The following PPM1F variants were observed in gnomAD, a reference collection of about 807,000 sequenced individuals.
The protein encoded by PPM1F is protein phosphatase, Mg2+/Mn2+ dependent 1F.
PPM1F carries 17 observed loss-of-function variants against 35.5 expected under a neutral mutation model. The ratio of observed to expected loss-of-function variants is 0.48; its 90% confidence interval spans 0.33 to 0.72. PPM1F has a LOEUF of 0.72. Ranked by LOEUF, PPM1F falls within the 30% of genes least tolerant of loss-of-function variation. The pLI, the probability that PPM1F is intolerant of heterozygous loss-of-function variation, is 0.02. For missense variants in PPM1F, 521 were observed against 613.0 expected, an observed-to-expected ratio of 0.85 and a Z score of 1.59; for synonymous variants, 241 against 255.5, an observed-to-expected ratio of 0.94 and a Z score of 0.54.
chr22:21,951,386 G>A (rs1479394825), intron 1 of PPM1F: 1 of 129,370 alleles, frequency 7.7e-6, no homozygotes, highest in Admixed American at 9.3e-5. Flanking sequence ...AGGGAGTTTC[G>A]CTCTTGTTGC....
At chr22:21,923,589 G>T in intron 7 of PPM1F, 118 bp from the exon 8 acceptor site, 1 of 1,153,098 alleles carries the variant, frequency 8.7e-7, no homozygotes, top group Non-Finnish European at 1.2e-6. Flanking sequence ...CTCTCATGGG[G>T]TCTGGGGTCT....
At chr22:21,938,361 T>G in intron 3 of PPM1F, 1 of 1,182,118 alleles carries the variant, frequency 8.5e-7, no homozygotes, top group Non-Finnish European at 1.1e-6. Context: ...AATGGCCGCC[T>G]GTCACTGTGG....
chr22:21,940,596 TG>T (rs2070715184), intron 2 of PPM1F: 1 of 152,254 alleles, frequency 6.6e-6, no homozygotes, highest in Non-Finnish European at 1.5e-5. Flanking sequence ...TGCCAAGGGT[TG>T]CCCACAAACC....
At chr22:21,930,312 T>C (rs1408972388) in intron 6 of PPM1F, among the ~76,000 whole-genome samples, 1 of 152,204 alleles carries the variant, frequency 6.6e-6, no homozygotes, top group African/African-American at 2.4e-5. Context: ...AGACTGTACG[T>C]GCATCAGTTC....
chr22:21,935,650 C>G (rs2070650306), intron 3 of PPM1F: 1 of 152,162 alleles, frequency 6.6e-6, no homozygotes. Context: ...GGGAGGACTG[C>G]TTGAGGTCAG....
intron 3 of PPM1F, chr22:21,938,535 TC>T: frequency 9.4e-7 from 1 of 1,067,160 alleles, no homozygotes; most frequent in Non-Finnish European, 1.1e-6. Flanking sequence ...TTGTTCCTTT[TC>T]CCCGGATGCA....
chr22:21,937,369 T>C (rs1481282706), intron 3 of PPM1F, among the ~76,000 whole-genome samples: 1 of 152,144 alleles, frequency 6.6e-6, no homozygotes, highest in Non-Finnish European at 1.5e-5. Context: ...AGCCAGCTGC[T>C]GCCGCCATGG....
Position 21,934,015 on chromosome 22 carries a change from A to G in PPM1F, c.558+9T>C. On this transcript the variant is annotated intron_variant, in intron 4 of 7. Transcript: ENST00000263212. ...AAGCTGTCCCCAGGGTCTGGACGGG[A>G]GCACTCACAGACAAGCCGAAGAGCT... 1.9e-6 allele frequency: 3 copies of G among 1,545,424 alleles called. No individual in the cohort carries two copies. The highest frequency in any genetic ancestry group is 2.4e-5 in the East Asian group (1 of 41,266).
At chr22:21,933,281 T>C in intron 5 of PPM1F, 110 bp downstream of exon 5, 1 of 1,024,126 alleles carries the variant, frequency 9.8e-7, no homozygotes, top group South Asian at 1.7e-5. Flanking sequence ...CGGCAGTGTT[T>C]AGTGAGGACC....
chr22:21,952,237 C>T (rs1418802432), intron 1 of PPM1F: 2 of 152,310 alleles, frequency 1.3e-5, no homozygotes, highest in African/African-American at 4.8e-5. Context: ...GCTCACAGAC[C>T]TGTGGCTGAA....
At chr22:21,938,587 G>T in intron 3 of PPM1F, 15 of 1,026,732 alleles carry the variant, frequency 1.5e-5, no homozygotes, top group Non-Finnish European at 1.8e-5. Context: ...AACAGGGAAA[G>T]GAAAGGAAAT....
At chr22:21,925,427 G>A (rs1317529219) in intron 7 of PPM1F, 142 bp downstream of exon 7, 5 of 659,082 alleles carry the variant, frequency 7.6e-6, no homozygotes, top group African/African-American at 3.6e-5. Context: ...TTCACACTAC[G>A]AGGGTATCAC....
At chr22:21,925,425 A>G (rs1273970623) in intron 7 of PPM1F, 144 bp downstream of exon 7, 1 of 655,340 alleles carries the variant, frequency 1.5e-6, no homozygotes, top group Admixed American at 2.5e-5. Context: ...CCTTCACACT[A>G]CGAGGGTATC....
rs982843255 is a variant in PPM1F at position 21,919,638 on chromosome 22, G to A, written c.*3454C>T. 5.3e-5 allele frequency: 8 copies of A among 152,246 alleles called. No individual in the cohort carries two copies. The highest frequency in any genetic ancestry group is 1.3e-4 in the Admixed American group (2 of 15,256). The allele number at this position is 152,246 out of a possible 1,614,324, so 9.4% of individuals were successfully genotyped here. On this transcript the variant is annotated 3_prime_UTR_variant, in exon 8 of 8. Transcript: ENST00000263212. ...CGCAAGGCCTGCACTGCACCGGAAT[G>A]GCAGAGCTCCGTGCATTTGGCAAAG...
In PPM1F at chr22:21,921,767, A is replaced by G. The variant is rs533997435; in HGVS notation, c.*1325T>C. On this transcript the variant is annotated 3_prime_UTR_variant, in exon 8 of 8. Coordinates refer to ENST00000263212, the MANE Select transcript of PPM1F (RefSeq NM_014634.4). The stretch of plus-strand genomic sequence containing the variant: ...GCCTCTTAATTAAGAGTCTTTCCCA[A>G]TGAGACCAATTTGATTACAAATTCA... The G allele has an allele frequency of 4.6e-5, 7 of 152,336 alleles. No individual in the cohort carries two copies. Among genetic ancestry groups the G allele is most frequent in the East Asian group, 3.9e-4 (2 of 5,180 alleles). 9.4% of individuals were successfully genotyped at this position (152,336 alleles called of 1,614,324 possible). A position where few individuals can be genotyped will look rare whatever the true frequency, so the allele number is the denominator to read the frequency against.
chr22:21,945,855 A>T lies in PPM1F; in HGVS notation c.194T>A (p.Phe65Tyr). 3.1e-6 allele frequency: 5 copies of T among 1,610,316 alleles called. No individual in the cohort carries two copies. The highest frequency in any genetic ancestry group is 4.2e-6 in the Non-Finnish European group (5 of 1,179,824). ...TGCACAGGCCTACCTGCTGCCCAGA[A>T]AGCCCATGGCCAGCTCAGCCAGCTC... is the stretch of plus-strand genomic sequence containing the variant. ...EGELAELAMG[F>Y]LGSRKAPPPL... The change falls in exon 2 of 8, where the codon TTT becomes TAT. Residue 65 changes from phenylalanine (F) to tyrosine (Y), a missense_variant. Phe to Tyr is a conservative substitution (Grantham distance 22). Transcript: ENST00000263212.
In PPM1F at chr22:21,933,378, G is replaced by A. The variant is rs746569697; in HGVS notation, c.747+13C>T. On this transcript the variant is annotated intron_variant, in intron 5 of 7. Transcript: ENST00000263212. ...CTCCAAACTGCACCTGAGGCCCAGC[G>A]GCCAGTCCTCACCTCTCGCTTGGCT... is the stretch of plus-strand genomic sequence containing the variant. The A allele has an allele frequency of 2.1e-5, 33 of 1,594,716 alleles. No homozygotes were observed. Among genetic ancestry groups the A allele is most frequent in the Middle Eastern group, 3.3e-4 (2 of 6,014 alleles).
intron 1 of PPM1F, chr22:21,951,095 G>T (rs2070832049): frequency 6.6e-6 from 1 of 151,836 alleles, no homozygotes; most frequent in African/African-American, 2.4e-5. Context: ...CAGTTCCATG[G>T]CATTAAGCAT....
chr22:21,923,337 G>C lies in PPM1F; in HGVS notation c.1120C>G (p.Leu374Val), dbSNP rs2070470675. 6.2e-7 allele frequency: 1 copy of C among 1,613,758 alleles called. No homozygotes were observed. The highest frequency in any genetic ancestry group is 8.5e-7 in the Non-Finnish European group (1 of 1,179,978). Residue 374 changes from leucine (L) to valine (V), a missense_variant, in exon 8 of 8, where the codon CTG becomes GTG. By Grantham distance (32) the Leu-to-Val change is conservative (BLOSUM62 1). Coordinates refer to ENST00000263212, the MANE Select transcript of PPM1F (RefSeq NM_014634.4). ...TGCCTGGTCAGGTGGCTCTGGACCA[G>C]GCCAACAACTTCCTGGTGGGGTACG... ...DVVPHQEVVG[L>V]VQSHLTRQQG...
Sources: allele counts gnomAD v4.1 joint callset (sites outside exome capture counted in the v4.1 genomes callset), GRCh38; gene constraint gnomAD v4.1.1; transcripts MANE v1.5; gene names NCBI Gene and HGNC (gene_info 2026-07-23, HGNC 2026-07-21).